The following CCNB2 variants were observed in gnomAD, a reference collection of about 807,000 sequenced individuals.
CCNB2 encodes the protein G2/mitotic-specific cyclin-B2.
Under a neutral mutation model 51.1 loss-of-function variants are expected in CCNB2, and 39 were observed. The observed-to-expected ratio is 0.76, with a 90% confidence interval of 0.59 to 1.00. The LOEUF (loss-of-function observed/expected upper bound fraction) is 1.00, where lower values mean the gene tolerates loss of function less well. Among genes scored for constraint, CCNB2 ranks in the 50% least tolerant of loss-of-function variants. The pLI is 0.00. For synonymous variants in CCNB2, 174 were observed against 165.5 expected (o/e 1.05, Z -0.40); for missense variants, 472 against 470.3 (o/e 1.00, Z -0.03).
chr15:59,107,382 A>C lies in CCNB2; in HGVS notation c.85A>C (p.Thr29Pro), dbSNP rs1464425381. 8.7e-6 allele frequency: 14 copies of C among 1,613,272 alleles called. No individual in the cohort carries two copies. The highest frequency in any genetic ancestry group is 1.2e-5 in the Non-Finnish European group (14 of 1,179,852). ...TAATTCTAAAGTTAAGAGTCATGTG[A>C]CTATTAGGCGAACTGTTTTAGAAGA... ...GVNSKVKSHV[T>P]IRRTVLEEIG... is the part of the protein sequence containing the mutation. Residue 29 changes from threonine (T) to proline (P), a missense_variant, in exon 2 of 9, where the codon ACT becomes CCT. By Grantham distance (38) the Thr-to-Pro change is conservative (BLOSUM62 -1). Coordinates refer to ENST00000288207, the MANE Select transcript of CCNB2 (RefSeq NM_004701.4).
chr15:59,116,706 G>T lies in CCNB2; in HGVS notation c.614G>T (p.Arg205Leu). The T allele has an allele frequency of 6.2e-7, 1 of 1,610,520 alleles. No homozygotes were observed. Among genetic ancestry groups the T allele is most frequent in the Non-Finnish European group, 8.5e-7 (1 of 1,178,584 alleles). ...TTCCATTAGGTTCAGCCAGTTTCCCGGAAGAAGCTTCAATTAGTTGGGATT... is the reference window on the plus strand; with the variant it reads ...TTCCATTAGGTTCAGCCAGTTTCCCTGAAGAAGCTTCAATTAGTTGGGATT... ...DRFLQVQPVSRKKLQLVGITA... is the reference protein window; with the variant it reads ...DRFLQVQPVSLKKLQLVGITA... The change falls in exon 6 of 9, where the codon CGG becomes CTG. Residue 205 changes from arginine to leucine, a missense_variant. By Grantham distance (102) the Arg-to-Leu change is moderately radical (BLOSUM62 -2). Coordinates refer to ENST00000288207, the MANE Select transcript of CCNB2 (RefSeq NM_004701.4).
At chr15:59,106,291 A>C (rs1403791277) in intron 1 of CCNB2, among the ~76,000 whole-genome samples, 1 of 152,226 alleles carries the variant, frequency 6.6e-6, no homozygotes, top group Non-Finnish European at 1.5e-5. Context: ...TTAGCATTTA[A>C]TTAATATCCT....
rs201147134 is a variant in CCNB2, at chr15:59,114,528, G to A, written c.352G>A (p.Glu118Lys). The change falls in exon 4 of 9, where the codon GAG (glutamate) becomes AAG (lysine). Residue 118 changes from glutamate (E) to lysine (K), a missense_variant. Transcript: ENST00000288207. The part of the protein sequence containing the change: ...AFSDALLCKI[E>K]DIDNEDWENP... ...TTCTGATGCCTTGCTCTGCAAAATCGAGGACATTGATAACGAAGATTGGGA... is the reference window on the plus strand; with the variant it reads ...TTCTGATGCCTTGCTCTGCAAAATCAAGGACATTGATAACGAAGATTGGGA... 447 of 1,613,860 alleles carry A rather than the reference G, an allele frequency of 2.8e-4. 1 individual carries two copies. The Middle Eastern group carries it at 2.8e-3, about 10-fold the overall frequency.
chr15:59,105,162 G>C lies in CCNB2; in HGVS notation c.-107G>C. The stretch of plus-strand genomic sequence containing the variant: ...TACAGCGTCGAAGATCCCCAGCGCT[G>C]CGGGCTCGGAGAGCAGTCCTAACGG... On this transcript the variant is annotated 5_prime_UTR_variant, in exon 1 of 9. Coordinates refer to ENST00000288207, the MANE Select transcript of CCNB2 (RefSeq NM_004701.4). 9.6e-7 allele frequency: 1 copy of C among 1,045,010 alleles called. No homozygotes were observed. Among genetic ancestry groups the C allele is most frequent in the South Asian group, 1.5e-5 (1 of 66,824 alleles). 64.7% of individuals were successfully genotyped at this position (1,045,010 alleles called of 1,614,324 possible).
chr15:59,117,968 A>C (rs1328348117), intron 7 of CCNB2, among the ~76,000 whole-genome samples: 1 of 152,196 alleles, frequency 6.6e-6, no homozygotes, highest in Non-Finnish European at 1.5e-5. Context: ...GCTGCTTGGA[A>C]CAGTTCACAT....
At chr15:59,112,990 T>C (rs1325056038) in intron 3 of CCNB2, among the ~76,000 whole-genome samples, 3 of 151,664 alleles carry the variant, frequency 2.0e-5, no homozygotes, top group Non-Finnish European at 4.4e-5. Flanking sequence ...GCCAAGGTCG[T>C]GCCACTGCAC....
At chr15:59,110,662 C>G (rs1317705158) in intron 3 of CCNB2, among the ~76,000 whole-genome samples, 1 of 152,138 alleles carries the variant, frequency 6.6e-6, no homozygotes, top group African/African-American at 2.4e-5. Flanking sequence ...GTCTTCTAAC[C>G]AAATTTATAC....
At chr15:59,120,360 G>A (rs2079297147) in intron 7 of CCNB2, among the ~76,000 whole-genome samples, 1 of 152,118 alleles carries the variant, frequency 6.6e-6, no homozygotes, top group Non-Finnish European at 1.5e-5. Context: ...GGTCATGGTA[G>A]CATGTGCCTA....
chr15:59,107,111 G>C lies in CCNB2; in HGVS notation c.25-211G>C, dbSNP rs372567192. ...AGGTTAGTGGGAGGATCTTTATTAC[G>C]GATAAAGTAGATGGGTGATTTGCCT... On this transcript the variant is annotated intron_variant, in intron 1 of 8. Coordinates refer to ENST00000288207, the MANE Select transcript of CCNB2 (RefSeq NM_004701.4). 2.0e-5 allele frequency among the ~76,000 whole-genome samples: 3 copies of C among 152,204 alleles called. No individual in the cohort carries two copies. In the East Asian group the frequency reaches 5.8e-4, roughly 29 times the overall value.
chr15:59,115,959 T>G (rs1473230437), intron 5 of CCNB2: 1 of 152,216 alleles, frequency 6.6e-6, no homozygotes, highest in African/African-American at 2.4e-5. Flanking sequence ...CTCGAACTCC[T>G]TAGCTCAAGT....
At chr15:59,115,057 C>A (rs567840633) in intron 5 of CCNB2, among the ~76,000 whole-genome samples, 181 bp downstream of exon 5, 2 of 152,138 alleles carry the variant, frequency 1.3e-5, no homozygotes, top group South Asian at 4.2e-4. Context: ...TTTGATGATG[C>A]GGACCAATAA....
chr15:59,107,724 A>G, intron 3 of CCNB2, 54 bp downstream of exon 3: 5 of 1,376,518 alleles, frequency 3.6e-6, no homozygotes, highest in Non-Finnish European at 4.1e-6. Context: ...GTTTTTAGCC[A>G]GACTACAAGG....
intron 7 of CCNB2, among the ~76,000 whole-genome samples, chr15:59,123,212 C>A (rs777590079): frequency 1.8e-4 from 27 of 152,090 alleles, no homozygotes; most frequent in Non-Finnish European, 3.5e-4. Context: ...CTTTTCCATC[C>A]CCTTTCAGTG....
At chr15:59,107,808 A>T (rs543113272) in intron 3 of CCNB2, 138 bp downstream of exon 3, 2 of 658,012 alleles carry the variant, frequency 3.0e-6, no homozygotes, top group South Asian at 3.8e-5. Context: ...TAGTGTAGGA[A>T]ATGAGTATAT....
intron 3 of CCNB2, among the ~76,000 whole-genome samples, chr15:59,113,160 G>A (rs1462750910): frequency 6.6e-6 from 1 of 152,134 alleles, no homozygotes; most frequent in Non-Finnish European, 1.5e-5. Flanking sequence ...GCATAGGAAA[G>A]TGAAATACTG....
rs1353954993 is a variant in CCNB2, at chr15:59,116,676, T to C, written c.598-14T>C. 1.9e-6 allele frequency: 3 copies of C among 1,580,810 alleles called. No individual in the cohort carries two copies. The highest frequency in any genetic ancestry group is 2.6e-6 in the Non-Finnish European group (3 of 1,152,774). Reference sequence around the variant, plus strand: ...TTGTTAGGTGTGACTTTTGTTACATTAATTTTCCATTAGGTTCAGCCAGTT... The same window carrying C: ...TTGTTAGGTGTGACTTTTGTTACATCAATTTTCCATTAGGTTCAGCCAGTT... On this transcript the variant is annotated splice_polypyrimidine_tract_variant and intron_variant, in intron 5 of 8. Coordinates refer to ENST00000288207, the MANE Select transcript of CCNB2 (RefSeq NM_004701.4).
chr15:59,116,955 A>C, intron 6 of CCNB2, 29 bp downstream of exon 6: 8 of 1,554,010 alleles, frequency 5.1e-6, no homozygotes, highest in Non-Finnish European at 7.1e-6. Flanking sequence ...GTAAGAGACT[A>C]TTTTTGCTTG....
intron 3 of CCNB2, among the ~76,000 whole-genome samples, chr15:59,113,586 G>A (rs1465219901): frequency 6.6e-6 from 1 of 152,154 alleles, no homozygotes; most frequent in Non-Finnish European, 1.5e-5. Context: ...ATAGAATTTA[G>A]AAGTATAGGC....
chr15:59,108,082 A>T (rs1344840408), intron 3 of CCNB2, among the ~76,000 whole-genome samples: 1 of 152,248 alleles, frequency 6.6e-6, no homozygotes, highest in Non-Finnish European at 1.5e-5. Flanking sequence ...TGGTTCAGAA[A>T]ATTCATGGAA....
Sources: gnomAD v4.1 joint callset for allele counts (sites outside exome capture counted in the v4.1 genomes callset) on GRCh38, gnomAD v4.1.1 for gene constraint, MANE v1.5 for transcripts, NCBI Gene and HGNC (gene_info 2026-07-23, HGNC 2026-07-21) for gene names.